Variants in MTCL1 observed in about 807,000 individuals in gnomAD.
MTCL1 encodes microtubule crosslinking factor 1.
MTCL1 carries 79 observed loss-of-function variants against 141.4 expected under a neutral mutation model. The observed-to-expected ratio is 0.56, with a 90% CI of 0.47 to 0.67. The LOEUF is 0.67. MTCL1 is among the 30% of genes least tolerant of loss of function. The pLI, the probability that MTCL1 is intolerant of heterozygous loss-of-function variation, is 0.00. For missense variants in MTCL1, 2,177 were observed against 2,113.9 expected (o/e 1.03, Z -0.59); for synonymous variants, 914 against 875.8 (o/e 1.04, Z -0.77).
In MTCL1 at chr18:8,789,590, C is replaced by T. The variant is rs974220228; in HGVS notation, c.1888-3408C>T. 42 of 985,408 alleles carry T rather than the reference C, an allele frequency of 4.3e-5. No homozygotes were observed. The Middle Eastern group carries it at 2.1e-3, about 49-fold the overall frequency. The allele number at this position is 985,408 out of a possible 1,614,324, so 61.0% of individuals were successfully genotyped here. On this transcript the variant is annotated intron_variant, in intron 7 of 16. Transcript: ENST00000359865. ...ATGGACGGGAGTTCCGGAACACTGA[C>T]GTGGGGAGAATGGTTACAATTGTCA...
At chr18:8,720,349 T>C (rs2096161554) in exon 4 of MTCL1, 16 of 1,614,156 alleles carry the variant, frequency 9.9e-6, no homozygotes, top group Non-Finnish European at 1.4e-5. Flanking sequence ...TAGCCAAAGA[T>C]GTATCTGTCA....
At chr18:8,710,038 C>T (rs2096078115) in intron 1 of MTCL1, among the ~76,000 whole-genome samples, 1 of 152,290 alleles carries the variant, frequency 6.6e-6, no homozygotes, top group East Asian at 1.9e-4. Context: ...CAGGGTTTCA[C>T]CATGTTGGCC....
chr18:8,807,144 A>C (rs2076328296), intron 11 of MTCL1, 84 bp downstream of exon 10: 1 of 1,351,832 alleles, frequency 7.4e-7, no homozygotes, highest in African/African-American at 1.5e-5. Context: ...GCACAGAGAG[A>C]TTCAGAACCA....
exon 15 of MTCL1, chr18:8,825,482 C>T: frequency 1.9e-6 from 3 of 1,609,644 alleles, no homozygotes; most frequent in South Asian, 2.2e-5. Flanking sequence ...CTGTTCAGAC[C>T]ATCAGTGTGG....
chr18:8,821,080 C>G (rs1040242528), intron 13 of MTCL1, among the ~76,000 whole-genome samples: 7 of 152,160 alleles, frequency 4.6e-5, no homozygotes, highest in Non-Finnish European at 7.4e-5. Context: ...ATAACACATG[C>G]ACACTCTCTC....
At chr18:8,825,720 G>C in exon 15 of MTCL1, 1 of 1,614,082 alleles carries the variant, frequency 6.2e-7, no homozygotes, top group Non-Finnish European at 8.5e-7. Flanking sequence ...CCCCAAAGCC[G>C]ACCAGCCAAA....
At chr18:8,756,632 T>C (rs2096403155) in intron 4 of MTCL1, among the ~76,000 whole-genome samples, 1 of 151,962 alleles carries the variant, frequency 6.6e-6, no homozygotes, top group Non-Finnish European at 1.5e-5. Flanking sequence ...GAGGCAAACT[T>C]GTTGGAGAAA....
At chr18:8,720,718 A>G (rs2096165299) in intron 4 of MTCL1, among the ~76,000 whole-genome samples, 1 of 152,252 alleles carries the variant, frequency 6.6e-6, no homozygotes, top group East Asian at 1.9e-4. Flanking sequence ...AAAGCAAAGA[A>G]GACTATGGAT....
At chr18:8,761,526 T>C (rs1330842327) in intron 4 of MTCL1, among the ~76,000 whole-genome samples, 1 of 152,216 alleles carries the variant, frequency 6.6e-6, no homozygotes, top group African/African-American at 2.4e-5. Context: ...CCTGGTGACC[T>C]CTGTTCTTTC....
At chr18:8,825,006 G>A (rs2076970279) in exon 15 of MTCL1, 2 of 1,613,088 alleles carry the variant, frequency 1.2e-6, no homozygotes, top group African/African-American at 1.3e-5. Context: ...CATGACCACG[G>A]ACACCATGAC....
At position 8,785,931 on chromosome 18, in the gene MTCL1, A is replaced by G. The variant is rs767309425; in HGVS notation, c.1732-5A>G. The G allele has an allele frequency of 1.4e-5, 22 of 1,588,304 alleles. No homozygotes were observed. Among genetic ancestry groups the G allele is most frequent in the Non-Finnish European group, 1.8e-5 (21 of 1,170,438 alleles). On this transcript the variant is annotated splice_region_variant and splice_polypyrimidine_tract_variant and intron_variant, in intron 6 of 16. Transcript: ENST00000359865. Reference sequence around the variant, plus strand: ...AACAACAAATTCCTCCCGTGCACCTAACAGTCCAGACTGAAAGAGCAGCTG... The same window carrying G: ...AACAACAAATTCCTCCCGTGCACCTGACAGTCCAGACTGAAAGAGCAGCTG...
At chr18:8,772,242 A>G (rs1407662454) in intron 4 of MTCL1, among the ~76,000 whole-genome samples, 1 of 152,208 alleles carries the variant, frequency 6.6e-6, no homozygotes, top group Non-Finnish European at 1.5e-5. Flanking sequence ...TTAACCAACC[A>G]CATATGCATA....
chr18:8,718,502 G>A, exon 3 of MTCL1: 2 of 1,614,220 alleles, frequency 1.2e-6, no homozygotes, highest in Non-Finnish European at 1.7e-6. Context: ...CCAGCTGCAG[G>A]AACTTCGGCG....
chr18:8,776,766 T>C (rs2096511590), intron 4 of MTCL1, among the ~76,000 whole-genome samples: 2 of 132,752 alleles, frequency 1.5e-5, no homozygotes, highest in South Asian at 5.1e-4. Context: ...TATTTATTTA[T>C]TTATTTTGAG....
At chr18:8,771,687 G>A (rs1339056932) in intron 4 of MTCL1, among the ~76,000 whole-genome samples, 1 of 152,138 alleles carries the variant, frequency 6.6e-6, no homozygotes, top group African/African-American at 2.4e-5. Context: ...CCAAATAATT[G>A]CCTAACTTCA....
chr18:8,788,792 C>G (rs1468722478), intron 7 of MTCL1, among the ~76,000 whole-genome samples: 4 of 152,152 alleles, frequency 2.6e-5, no homozygotes, highest in Non-Finnish European at 5.9e-5. Context: ...TCAGAACCCA[C>G]GGACACCCAC....
rs1375319023 is a variant in MTCL1 at position 8,787,824 on chromosome 18, G to T, written c.1887+1733G>T. Among the ~76,000 whole-genome samples the T allele has an allele frequency of 2.0e-5, 3 of 152,086 alleles. No individual in the cohort carries two copies. In the East Asian group the frequency reaches 5.8e-4, roughly 29 times the overall value. On this transcript the variant is annotated intron_variant, in intron 7 of 16. Coordinates refer to ENST00000359865, the Ensembl canonical transcript of MTCL1. ...CCTATTTTATTTTATTTTTTAATAA[G>T]GCATGTTCTGGAGCCACTTTGAATC...
chr18:8,784,120 G>C lies in MTCL1; in HGVS notation c.1008G>C (p.Glu336Asp), dbSNP rs755713413. The C allele has an allele frequency of 3.7e-6, 6 of 1,613,484 alleles. No individual in the cohort carries two copies. In the Admixed American group the frequency reaches 1.0e-4, roughly 27 times the overall value. ...CCGGGGGTGGGGCCCCCCTGCAGGA[G>C]GAGCTGAAGTCAGCCAGGCTGCAGA... Residue 336 changes from glutamate to aspartate, a missense_variant, in exon 6 of 17, where the codon GAG becomes GAC. Transcript: ENST00000359865.
intron 4 of MTCL1, among the ~76,000 whole-genome samples, chr18:8,725,998 A>T (rs1376212248): frequency 6.6e-6 from 1 of 151,776 alleles, no homozygotes; most frequent in Non-Finnish European, 1.5e-5. Context: ...TCACCATGTT[A>T]GCCAGGATGG....
Sources: gnomAD v4.1 joint callset for allele counts (sites outside exome capture counted in the v4.1 genomes callset) on GRCh38, gnomAD v4.1.1 for gene constraint, MANE v1.5 for transcripts, NCBI Gene and HGNC (gene_info 2026-07-23, HGNC 2026-07-21) for gene names.